ZCCHC7: variants seen among roughly 807,000 people sequenced by gnomAD.
The protein encoded by ZCCHC7 is zinc finger CCHC domain-containing protein 7.
A neutral mutation model predicts 52.0 loss-of-function variants in ZCCHC7; 35 were observed. The observed-to-expected ratio is 0.67, with a 90% CI of 0.51 to 0.89. The LOEUF is 0.89. ZCCHC7 is among the 40% of genes least tolerant of loss of function. The probability of loss-of-function intolerance (pLI) is 0.00; values close to 1 mark genes in which losing one functional copy is unlikely to be tolerated. For synonymous variants in ZCCHC7, 217 were observed against 221.5 expected (o/e 0.98, Z 0.18); for missense variants, 574 against 649.1 (o/e 0.88, Z 1.26).
chr9:37,234,284 C>T lies in ZCCHC7; in HGVS notation c.611-67904C>T, dbSNP rs143471583. Among the ~76,000 whole-genome samples, 597 of 152,330 alleles carry T rather than the reference C, an allele frequency of 3.9e-3. 3 individuals are homozygous for T. Among genetic ancestry groups the T allele is most frequent in the Non-Finnish European group, 6.4e-3 (434 of 68,026 alleles). On this transcript the variant is annotated intron_variant, in intron 2 of 8. Transcript: ENST00000336755. ...CACTAGCTCATCCTGTTTCTCAGAT[C>T]TATTGTTCTCTGTGCTGACTGGCTT...
chr9:37,134,549 C>A (rs979039231), intron 2 of ZCCHC7, among the ~76,000 whole-genome samples: 1 of 152,142 alleles, frequency 6.6e-6, no homozygotes, highest in African/African-American at 2.4e-5. Context: ...GTTCCAGATT[C>A]AAATCAGCAA....
intron 2 of ZCCHC7, among the ~76,000 whole-genome samples, chr9:37,254,650 T>G (rs932326444): frequency 3.9e-5 from 6 of 152,012 alleles, no homozygotes; most frequent in African/African-American, 1.4e-4. Flanking sequence ...CTTTAAGAAT[T>G]ACTACATTCA....
chr9:37,140,223 G>C (rs1483976953), intron 2 of ZCCHC7, among the ~76,000 whole-genome samples: 2 of 151,832 alleles, frequency 1.3e-5, no homozygotes, highest in East Asian at 3.8e-4. Context: ...TTTAGAAATA[G>C]CATTACTTCC....
At chr9:37,129,152 GCTTT>G (rs968982949) in intron 2 of ZCCHC7, among the ~76,000 whole-genome samples, 25 of 152,190 alleles carry the variant, frequency 1.6e-4, no homozygotes, top group African/African-American at 5.5e-4. Flanking sequence ...ACTCCCTGCT[GCTTT>G]CTGTTTGCAC....
rs527494838 is a variant in ZCCHC7 at position 37,181,153 on chromosome 9, G to T, written c.610+54211G>T. Among the ~76,000 whole-genome samples the T allele has an allele frequency of 1.3e-4, 20 of 152,154 alleles. No individual in the cohort carries two copies. The South Asian group carries it at 4.1e-3, about 32-fold the overall frequency. Reference sequence around the variant, plus strand: ...AGATCAGCTCAGTGTAAGAAACTTAGAATATTGTTTTGTAGCTTTCTTTGT... The same window carrying T: ...AGATCAGCTCAGTGTAAGAAACTTATAATATTGTTTTGTAGCTTTCTTTGT... On this transcript the variant is annotated intron_variant, in intron 2 of 8. Transcript: ENST00000336755.
At chr9:37,347,268 A>G (rs533648711) in intron 6 of ZCCHC7, among the ~76,000 whole-genome samples, 1 of 152,280 alleles carries the variant, frequency 6.6e-6, no homozygotes, top group South Asian at 2.1e-4. Flanking sequence ...TTCTATAAAC[A>G]GATTCCACCA....
chr9:37,174,181 C>G (rs1821891365), intron 2 of ZCCHC7, among the ~76,000 whole-genome samples: 1 of 151,990 alleles, frequency 6.6e-6, no homozygotes, highest in Non-Finnish European at 1.5e-5. Flanking sequence ...GGCATGGTGG[C>G]ACCTGTAATC....
intron 2 of ZCCHC7, among the ~76,000 whole-genome samples, chr9:37,140,886 A>G (rs1207507510): frequency 3.9e-5 from 6 of 152,028 alleles, no homozygotes; most frequent in Admixed American, 1.3e-4. Context: ...AGAAGGAGAT[A>G]GGTTTGTGAA....
intron 2 of ZCCHC7, among the ~76,000 whole-genome samples, chr9:37,267,129 A>G (rs1467532485): frequency 6.6e-6 from 1 of 152,140 alleles, no homozygotes; most frequent in Non-Finnish European, 1.5e-5. Context: ...AAGTTTATTA[A>G]TCCTCATCAT....
intron 2 of ZCCHC7, among the ~76,000 whole-genome samples, chr9:37,244,614 A>T (rs1384610552): frequency 6.6e-6 from 1 of 151,876 alleles, no homozygotes; most frequent in Non-Finnish European, 1.5e-5. Context: ...TTTTGCCAAG[A>T]CAGTTTTTTC....
At chr9:37,308,061 G>T (rs1340834038) in intron 5 of ZCCHC7, among the ~76,000 whole-genome samples, 2 of 152,058 alleles carry the variant, frequency 1.3e-5, no homozygotes, top group Non-Finnish European at 2.9e-5. Flanking sequence ...TTTTTGGCTG[G>T]TCAGACCAAA....
In ZCCHC7 at chr9:37,158,662, C is replaced by CT. The variant is rs561879667; in HGVS notation, c.610+31730dup. Among the ~76,000 whole-genome samples the CT allele has an allele frequency of 2.0e-3, 290 of 147,938 alleles. No homozygotes were observed. The East Asian group carries it at 0.022, about 11-fold the overall frequency. On this transcript the variant is annotated intron_variant, in intron 2 of 8. Coordinates refer to ENST00000336755, the MANE Select transcript of ZCCHC7 (RefSeq NM_032226.3). ...ACAAGTGTTTTCTCTGGTGGATTGA[C>CT]TTTTTTTTTTAACAAAGATATGTGT...
In ZCCHC7 at chr9:37,120,604, T is replaced by C; in HGVS notation, c.-41T>C. ...CGCGTTTTGGTTCCCGGTTGGTGCTTCCTGTTCGCAGCTGCGGCAGTGAGT... is the reference window on the plus strand; with the variant it reads ...CGCGTTTTGGTTCCCGGTTGGTGCTCCCTGTTCGCAGCTGCGGCAGTGAGT... On this transcript the variant is annotated 5_prime_UTR_variant, in exon 1 of 9. Coordinates refer to ENST00000336755, the MANE Select transcript of ZCCHC7 (RefSeq NM_032226.3). 2.5e-6 allele frequency: 1 copy of C among 398,720 alleles called. No homozygotes were observed. The highest frequency in any genetic ancestry group is 4.4e-6 in the Non-Finnish European group (1 of 225,892). The allele number at this position is 398,720 out of a possible 1,614,324, so 24.7% of individuals were successfully genotyped here. A position where few individuals can be genotyped will look rare whatever the true frequency, so the allele number is the denominator to read the frequency against.
chr9:37,149,609 A>G lies in ZCCHC7; in HGVS notation c.610+22667A>G, dbSNP rs1843597845. Among the ~76,000 whole-genome samples, 7 of 152,150 alleles carry G rather than the reference A, an allele frequency of 4.6e-5. No individual in the cohort carries two copies. The South Asian group carries it at 1.2e-3, about 27-fold the overall frequency. On this transcript the variant is annotated intron_variant, in intron 2 of 8. Coordinates refer to ENST00000336755, the MANE Select transcript of ZCCHC7 (RefSeq NM_032226.3). ...GATTACAGAGAGAAAATTAGGTGAC[A>G]TTTGCTCACATTATACATAGAATAG...
intron 5 of ZCCHC7, among the ~76,000 whole-genome samples, chr9:37,313,478 T>C (rs182087843): frequency 6.6e-6 from 1 of 152,346 alleles, no homozygotes; most frequent in East Asian, 1.9e-4. Flanking sequence ...ATCTGAAATT[T>C]TCATGGTTGC....
chr9:37,315,623 A>G (rs1829783583), intron 5 of ZCCHC7, among the ~76,000 whole-genome samples: 1 of 151,860 alleles, frequency 6.6e-6, no homozygotes, highest in South Asian at 2.1e-4. Context: ...AGGTAGTTTC[A>G]GATATAAAGG....
chr9:37,305,844 TA>T, intron 5 of ZCCHC7, 130 bp downstream of exon 5: 3 of 855,840 alleles, frequency 3.5e-6, no homozygotes, highest in Admixed American at 5.8e-5. Flanking sequence ...TATATATATA[TA>T]TATATAGTCA....
intron 2 of ZCCHC7, among the ~76,000 whole-genome samples, chr9:37,145,584 T>C (rs1490451348): frequency 1.3e-5 from 2 of 151,952 alleles, no homozygotes; most frequent in African/African-American, 2.4e-5. Context: ...TAAACAAGCC[T>C]TAATTGAAAA....
chr9:37,164,344 C>G (rs1171986440), intron 2 of ZCCHC7, among the ~76,000 whole-genome samples: 1 of 151,988 alleles, frequency 6.6e-6, no homozygotes, highest in Non-Finnish European at 1.5e-5. Flanking sequence ...CCTTGGGAGG[C>G]TGAGGCACAA....
Sources: gnomAD v4.1 joint callset for allele counts (sites outside exome capture counted in the v4.1 genomes callset) on GRCh38, gnomAD v4.1.1 for gene constraint, MANE v1.5 for transcripts, NCBI Gene and HGNC (gene_info 2026-07-23, HGNC 2026-07-21) for gene names.